The following LGR5 variants were observed in gnomAD, a reference collection of about 807,000 sequenced individuals.
LGR5 encodes the protein leucine rich repeat containing G protein-coupled receptor 5, also known as leucine-rich repeat-containing G protein-coupled receptor 5.
Under a neutral mutation model 76.7 loss-of-function variants are expected in LGR5, and 54 were observed. That is an observed-to-expected ratio of 0.70 (90% CI 0.57 to 0.88). The LOEUF is 0.88. Ranked by LOEUF, LGR5 falls within the 40% of genes least tolerant of loss-of-function variation. The probability of loss-of-function intolerance (pLI) is 0.00; values close to 1 mark genes in which losing one functional copy is unlikely to be tolerated. For missense variants in LGR5, 1,078 were observed against 1,073.3 expected (o/e 1.00, Z -0.06); for synonymous variants, 406 against 421.9 (o/e 0.96, Z 0.46).
intron 11 of LGR5, 32 bp from the exon 12 acceptor site, chr12:71,571,481 AG>A (rs1300108876): frequency 6.8e-7 from 1 of 1,480,560 alleles, no homozygotes; most frequent in African/African-American, 1.4e-5. Flanking sequence ...TATTTGTAAC[AG>A]ATTTTCCCTT....
chr12:71,560,838 G>A (rs971404659), intron 7 of LGR5, among the ~76,000 whole-genome samples: 1 of 152,120 alleles, frequency 6.6e-6, no homozygotes. Context: ...AATCCATTTT[G>A]TGCAAGGGTC....
At chr12:71,442,410 T>G (rs1301975763) in intron 1 of LGR5, among the ~76,000 whole-genome samples, 2 of 152,162 alleles carry the variant, frequency 1.3e-5, no homozygotes, top group African/African-American at 4.8e-5. Flanking sequence ...GGAAATTAAG[T>G]GCCATATTAT....
chr12:71,469,845 C>G lies in LGR5; in HGVS notation c.212+29553C>G, dbSNP rs190830185. Among the ~76,000 whole-genome samples the G allele has an allele frequency of 6.1e-3, 931 of 152,290 alleles. 1 individual carries two copies. The highest frequency in any genetic ancestry group is 0.02 in the Middle Eastern group (6 of 294). On this transcript the variant is annotated intron_variant, in intron 1 of 17. Transcript: ENST00000266674. ...TCCCCGCCGCCCCACCCGCCAACAC[C>G]TAGAAAGTCTTGTAGTGAGTTTCCT...
intron 1 of LGR5, among the ~76,000 whole-genome samples, chr12:71,489,641 A>C (rs1873978029): frequency 6.6e-6 from 1 of 152,214 alleles, no homozygotes; most frequent in African/African-American, 2.4e-5. Flanking sequence ...GCAGTAGAAG[A>C]GCCAAAAGAA....
At chr12:71,528,824 CTATT>C (rs1876151630) in intron 3 of LGR5, among the ~76,000 whole-genome samples, 1 of 152,168 alleles carries the variant, frequency 6.6e-6, no homozygotes, top group African/African-American at 2.4e-5. Flanking sequence ...AGTTTTGTGA[CTATT>C]TCTTTGTCCA....
intron 1 of LGR5, among the ~76,000 whole-genome samples, chr12:71,469,958 C>G (rs547113304): frequency 4.7e-4 from 71 of 152,292 alleles, no homozygotes; most frequent in African/African-American, 1.7e-3. Context: ...GTGCAGGGCC[C>G]TTTCTTGTCC....
At chr12:71,444,192 T>C (rs1247545110) in intron 1 of LGR5, among the ~76,000 whole-genome samples, 1 of 152,034 alleles carries the variant, frequency 6.6e-6, no homozygotes, top group African/African-American at 2.4e-5. Flanking sequence ...TTAGAAATGA[T>C]TACAAAAATA....
At chr12:71,524,979 A>G (rs1347399536) in intron 3 of LGR5, among the ~76,000 whole-genome samples, 1 of 152,182 alleles carries the variant, frequency 6.6e-6, no homozygotes, top group Non-Finnish European at 1.5e-5. Context: ...TTATTTGTTA[A>G]TTCATTGAAA....
chr12:71,469,569 C>G lies in LGR5; in HGVS notation c.212+29277C>G, dbSNP rs543863998. 2.7e-3 allele frequency among the ~76,000 whole-genome samples: 408 copies of G among 152,298 alleles called. 1 individual carries two copies. Among genetic ancestry groups the G allele is most frequent in the African/African-American group, 9.0e-3 (373 of 41,558 alleles). On this transcript the variant is annotated intron_variant, in intron 1 of 17. Coordinates refer to ENST00000266674, the MANE Select transcript of LGR5 (RefSeq NM_003667.4). The stretch of plus-strand genomic sequence containing the variant: ...GTGATCTGACAGAAAGCGACACTGA[C>G]ACAAAGAAGCCAAGAGGGGCAGGAG...
intron 14 of LGR5, among the ~76,000 whole-genome samples, chr12:71,578,559 A>C (rs1280597): frequency 0.93 from 141,080 of 152,120 alleles, 66,205 homozygotes; most frequent in East Asian, 1. Flanking sequence ...CCCCACCTGA[A>C]AAAATGAAGC....
intron 1 of LGR5, among the ~76,000 whole-genome samples, chr12:71,446,842 G>A (rs953134258): frequency 1.3e-5 from 2 of 152,282 alleles, no homozygotes; most frequent in South Asian, 2.1e-4. Context: ...TACAAATTTA[G>A]TAGACATCTT....
Position 71,580,367 on chromosome 12 carries a change from A to C in LGR5, c.1496A>C (p.Asp499Ala), listed in dbSNP as rs1315983886. 6.2e-7 allele frequency: 1 copy of C among 1,614,112 alleles called. No individual in the cohort carries two copies. Among genetic ancestry groups the C allele is most frequent in the Non-Finnish European group, 8.5e-7 (1 of 1,179,936 alleles). ...ATTTCTAATCAATGGAATAAAGGTGACAACAGCAGTATGGACGACCTTCAT... is the reference window on the plus strand; with the variant it reads ...ATTTCTAATCAATGGAATAAAGGTGCCAACAGCAGTATGGACGACCTTCAT... ...YKISNQWNKG[D>A]NSSMDDLHKK... Residue 499 changes from aspartate (D) to alanine (A), a missense_variant, in exon 16 of 18, where the codon GAC becomes GCC. Asp to Ala is a moderately radical substitution (Grantham distance 126). Coordinates refer to ENST00000266674, the MANE Select transcript of LGR5 (RefSeq NM_003667.4).
chr12:71,537,639 T>C (rs1026744824), intron 4 of LGR5, among the ~76,000 whole-genome samples: 2 of 152,180 alleles, frequency 1.3e-5, no homozygotes, highest in African/African-American at 4.8e-5. Context: ...AGTTCTATTG[T>C]CCTGGTTTTA....
chr12:71,490,444 C>T (rs891048820), intron 1 of LGR5, among the ~76,000 whole-genome samples: 6 of 152,178 alleles, frequency 3.9e-5, no homozygotes, highest in Admixed American at 3.3e-4. Context: ...CATCATTAGG[C>T]AGAGTGACAG....
At chr12:71,567,470 A>T (rs1445039547) in intron 11 of LGR5, among the ~76,000 whole-genome samples, 1 of 152,140 alleles carries the variant, frequency 6.6e-6, no homozygotes, top group Non-Finnish European at 1.5e-5. Context: ...CATGGATTCA[A>T]GGAGACTTGT....
Position 71,535,095 on chromosome 12 carries a change from T to C in LGR5, c.357-20T>C, listed in dbSNP as rs774250905. On this transcript the variant is annotated intron_variant, in intron 3 of 17. Coordinates refer to ENST00000266674, the MANE Select transcript of LGR5 (RefSeq NM_003667.4). ...TGTTCATTTTTTTTAACATTTTTCT[T>C]TATTTCTTTTAACATACAGTATGCT... 2 of 1,567,868 alleles carry C rather than the reference T, an allele frequency of 1.3e-6. No individual in the cohort carries two copies. The highest frequency in any genetic ancestry group is 2.7e-5 in the African/African-American group (2 of 73,988).
At chr12:71,514,567 C>CAAA (rs11417758) in intron 2 of LGR5, among the ~76,000 whole-genome samples, 17 of 136,298 alleles carry the variant, frequency 1.2e-4, no homozygotes, top group African/African-American at 4.4e-4. Context: ...GACTCCCTCT[C>CAAA]AAAAAAAAAA....
chr12:71,502,865 T>A (rs1874673622), intron 1 of LGR5, among the ~76,000 whole-genome samples: 1 of 152,220 alleles, frequency 6.6e-6, no homozygotes, highest in Non-Finnish European at 1.5e-5. Flanking sequence ...TGTAAATGAC[T>A]ATGTTCTATT....
At chr12:71,486,056 G>A (rs990551212) in intron 1 of LGR5, among the ~76,000 whole-genome samples, 4 of 152,142 alleles carry the variant, frequency 2.6e-5, no homozygotes, top group African/African-American at 4.8e-5. Context: ...GAGCCAGCAC[G>A]CCAGGCCAAT....
Sources: gnomAD v4.1 joint callset for allele counts (sites outside exome capture counted in the v4.1 genomes callset) on GRCh38, gnomAD v4.1.1 for gene constraint, MANE v1.5 for transcripts, NCBI Gene and HGNC (gene_info 2026-07-23, HGNC 2026-07-21) for gene names.